Variants in GYG1 observed in about 807,000 individuals in gnomAD.
GYG1 encodes the protein glycogenin 1.
Under a neutral mutation model 41.9 loss-of-function variants are expected in GYG1, and 44 were observed. The observed-to-expected ratio is 1.05, with a 90% CI of 0.83 to 1.35. The LOEUF (loss-of-function observed/expected upper bound fraction) is 1.35. Ranked by LOEUF, GYG1 falls within the 40% of genes most tolerant of loss-of-function variation. The probability of loss-of-function intolerance (pLI) is 0.00; values close to 1 mark genes in which losing one functional copy is unlikely to be tolerated. For missense variants in GYG1, 429 were observed against 418.9 expected, an observed-to-expected ratio of 1.02 and a Z score of -0.21; for synonymous variants, 141 against 158.1, an observed-to-expected ratio of 0.89 and a Z score of 0.81.
Position 149,026,796 on chromosome 3 carries a change from G to T in GYG1, c.916G>T (p.Gly306Trp), listed in dbSNP as rs1005317480. The T allele has an allele frequency of 1.7e-5, 28 of 1,613,356 alleles. No homozygotes were observed. The highest frequency in any genetic ancestry group is 5.3e-5 in the African/African-American group (4 of 74,884). The part of the protein sequence containing the change: ...VSGAISHLSL[G>W]EIPAMAQPFV... ...AGGAGCCATATCACATCTGTCCCTT[G>T]GGGAGATCCCAGCTATGGCACAGCC... The change falls in exon 8 of 8, where the codon GGG becomes TGG. Residue 306 changes from glycine (G) to tryptophan (W), a missense_variant. Transcript: ENST00000345003.
At position 149,009,328 on chromosome 3, in the gene GYG1, T is replaced by G. The variant is rs140570434; in HGVS notation, c.534T>G (p.Asp178Glu). 1 of 1,613,134 alleles carries G rather than the reference T, an allele frequency of 6.2e-7. No individual in the cohort carries two copies. Among genetic ancestry groups the G allele is most frequent in the Non-Finnish European group, 8.5e-7 (1 of 1,179,184 alleles). ...TTTTTAGCAGCTGGGCAACAACAGA[T>G]ATCAGAAAACACCTGCCGTTTATTT... ...NTFFSSWATTDIRKHLPFIYN... is the reference protein window; with the variant it reads ...NTFFSSWATTEIRKHLPFIYN... Residue 178 changes from aspartate (D) to glutamate (E), a missense_variant, in exon 5 of 8, where the codon GAT becomes GAG. By Grantham distance (45) the Asp-to-Glu change is conservative. Transcript: ENST00000345003.
At position 148,998,057 on chromosome 3, in the gene GYG1, C is replaced by T. The variant is rs555006010; in HGVS notation, c.481+1153C>T. On this transcript the variant is annotated intron_variant, in intron 4 of 7. Transcript: ENST00000345003. ...AAATATTAAACTTTAAAAATGAAAA[C>T]ATTAGACCTATAAGTTTGTTAGATT... is the stretch of plus-strand genomic sequence containing the variant. 1.1e-4 allele frequency among the ~76,000 whole-genome samples: 16 copies of T among 152,258 alleles called. No homozygotes were observed. In the South Asian group the frequency reaches 3.3e-3, roughly 32 times the overall value.
At chr3:149,019,195 G>C (rs775472879) in intron 5 of GYG1, among the ~76,000 whole-genome samples, 1 of 151,864 alleles carries the variant, frequency 6.6e-6, no homozygotes, top group Non-Finnish European at 1.5e-5. Flanking sequence ...CGTGATTTCT[G>C]TATGCCCCAG....
At chr3:149,025,428 G>T (rs2107923259) in intron 6 of GYG1, among the ~76,000 whole-genome samples, 1 of 152,278 alleles carries the variant, frequency 6.6e-6, no homozygotes, top group South Asian at 2.1e-4. Flanking sequence ...GTGCTGTGCG[G>T]CCTGGTTCCT....
rs2107921962 is a variant in GYG1, at chr3:149,024,208, C to T, written c.764C>T (p.Thr255Ile). 6.2e-7 allele frequency: 1 copy of T among 1,613,932 alleles called. No individual in the cohort carries two copies. The highest frequency in any genetic ancestry group is 8.5e-7 in the Non-Finnish European group (1 of 1,179,808). Residue 255 changes from threonine (T) to isoleucine (I), a missense_variant, in exon 6 of 8, where the codon ACC becomes ATC. Coordinates refer to ENST00000345003, the MANE Select transcript of GYG1 (RefSeq NM_004130.4). ...FLILWWNIFT[T>I]NVLPLLQQFG... ...ATCCTGTGGTGGAACATCTTTACCA[C>T]CAACGTTTTACCTCTGCTTCAACAA... is the stretch of plus-strand genomic sequence containing the variant.
Position 149,009,277 on chromosome 3 carries a change from T to C in GYG1, c.483T>C (p.Gly161=). 2.5e-6 allele frequency: 4 copies of C among 1,610,986 alleles called. No individual in the cohort carries two copies. The highest frequency in any genetic ancestry group is 2.5e-6 in the Non-Finnish European group (3 of 1,177,128). Residue 161 remains glycine (G), a splice_region_variant and synonymous_variant, in exon 5 of 8, where the codon GGT becomes GGC. Coordinates refer to ENST00000345003, the MANE Select transcript of GYG1 (RefSeq NM_004130.4). ...HLASEQGSFD[G]GDQGILNTFF... Reference sequence around the variant, plus strand: ...AATTTATATATTTTTTTCTTTTAGGTGGGGACCAAGGCATACTGAACACAT... The same window carrying C: ...AATTTATATATTTTTTTCTTTTAGGCGGGGACCAAGGCATACTGAACACAT...
intron 5 of GYG1, among the ~76,000 whole-genome samples, chr3:149,010,819 C>T (rs1713684516): frequency 6.6e-6 from 1 of 152,218 alleles, no homozygotes; most frequent in African/African-American, 2.4e-5. Flanking sequence ...CAGCCCTTCA[C>T]TGAGTTGGGC....
intron 1 of GYG1, 129 bp from the exon 2 acceptor site, chr3:148,994,013 T>G (rs1272121238): frequency 1.2e-6 from 1 of 824,648 alleles, no homozygotes; most frequent in Admixed American, 2.0e-5. Flanking sequence ...GGGCTACAGC[T>G]TGATTCATAG....
At chr3:149,008,059 G>A (rs968155441) in intron 4 of GYG1, 1 of 152,248 alleles carries the variant, frequency 6.6e-6, no homozygotes, top group African/African-American at 2.4e-5. Flanking sequence ...TGTAGCTGAC[G>A]CTGGCCACAG....
chr3:148,994,274 T>G lies in GYG1; in HGVS notation c.140T>G (p.Met47Arg), dbSNP rs760940197. Residue 47 changes from methionine to arginine, a missense_variant, in exon 2 of 8, where the codon ATG becomes AGG. Transcript: ENST00000345003. ...VLATPQVSDS[M>R]RKVLETVFDE... ...GCCACCCCTCAGGTCTCAGACTCCA[T>G]GAGGTGAGGACCTCGCTGCCACCCC... 6.2e-7 allele frequency: 1 copy of G among 1,614,076 alleles called. No individual in the cohort carries two copies. The highest frequency in any genetic ancestry group is 1.1e-5 in the South Asian group (1 of 91,082).
At chr3:149,023,127 T>A (rs918471507) in intron 5 of GYG1, among the ~76,000 whole-genome samples, 1 of 152,180 alleles carries the variant, frequency 6.6e-6, no homozygotes, top group Non-Finnish European at 1.5e-5. Flanking sequence ...TTCTTTTTTC[T>A]GGAAACAGCA....
rs543555553 is a variant in GYG1 at position 149,020,528 on chromosome 3, G to T, written c.609-3525G>T. ...CTTCATGCCTTGGTTTCCTCACATT[G>T]TCATTTTGGAGATTAACTGAGTAAA... On this transcript the variant is annotated intron_variant, in intron 5 of 7. Transcript: ENST00000345003. Among the ~76,000 whole-genome samples, 109 of 152,274 alleles carry T rather than the reference G, an allele frequency of 7.2e-4. 1 individual carries two copies. Among genetic ancestry groups the T allele is most frequent in the African/African-American group, 2.6e-3 (107 of 41,544 alleles).
intron 2 of GYG1, 79 bp downstream of exon 2, chr3:148,994,356 G>A (rs1712669404): frequency 6.9e-7 from 1 of 1,448,542 alleles, no homozygotes; most frequent in Non-Finnish European, 9.7e-7. Flanking sequence ...TGGACATTGA[G>A]GCCATGCTCT....
intron 5 of GYG1, among the ~76,000 whole-genome samples, chr3:149,019,068 TAAA>T (rs67695680): frequency 9.2e-5 from 11 of 119,072 alleles, no homozygotes; most frequent in African/African-American, 1.3e-4. Flanking sequence ...GACACTGTCT[TAAA>T]AAAAAAAAAA....
intron 4 of GYG1, among the ~76,000 whole-genome samples, chr3:149,005,236 A>C (rs34578445): frequency 0.3 from 45,495 of 152,012 alleles, 6,763 homozygotes; most frequent in East Asian, 0.33. Context: ...GTATTTAGAA[A>C]GAAAAGATCT....
intron 4 of GYG1, among the ~76,000 whole-genome samples, chr3:148,999,337 TTC>T (rs1002591039): frequency 1.3e-5 from 2 of 152,212 alleles, no homozygotes; most frequent in African/African-American, 4.8e-5. Context: ...GGACTGAATC[TTC>T]TCTGTTAATA....
intron 5 of GYG1, among the ~76,000 whole-genome samples, chr3:149,016,104 CA>C (rs1714011622): frequency 6.6e-6 from 1 of 151,340 alleles, no homozygotes; most frequent in African/African-American, 2.4e-5. Flanking sequence ...ACTAAAAATA[CA>C]AAAAAATTAG....
chr3:149,007,004 T>C (rs548109040), intron 4 of GYG1, among the ~76,000 whole-genome samples: 1 of 152,382 alleles, frequency 6.6e-6, no homozygotes, highest in African/African-American at 2.4e-5. Flanking sequence ...TTAAATGGCT[T>C]ATAAACAACA....
At chr3:149,025,901 G>A (rs1308261587) in intron 6 of GYG1, among the ~76,000 whole-genome samples, 1 of 152,098 alleles carries the variant, frequency 6.6e-6, no homozygotes, top group East Asian at 1.9e-4. Context: ...CTCTTTTAGG[G>A]TGTAAATTCA....
Sources: gnomAD v4.1 joint callset for allele counts (sites outside exome capture counted in the v4.1 genomes callset) on GRCh38, gnomAD v4.1.1 for gene constraint, MANE v1.5 for transcripts, NCBI Gene and HGNC (gene_info 2026-07-23, HGNC 2026-07-21) for gene names.